SLC35F4: variants seen among roughly 807,000 people sequenced by gnomAD.
SLC35F4 encodes the protein chromosome 14 open reading frame 36.
In SLC35F4, 24 loss-of-function variants were observed where a neutral mutation model predicts 44.2. That is an observed-to-expected ratio of 0.54 (90% CI 0.39 to 0.76). The LOEUF (loss-of-function observed/expected upper bound fraction) is 0.76. SLC35F4 is among the 30% of genes least tolerant of loss of function. The pLI is 0.00. For missense variants in SLC35F4, 562 were observed against 586.1 expected (o/e 0.96, Z 0.42); for synonymous variants, 238 against 223.6 (o/e 1.06, Z -0.57).
chr14:57,693,077 A>G (rs532833078), intron 1 of SLC35F4, among the ~76,000 whole-genome samples: 1 of 152,332 alleles, frequency 6.6e-6, no homozygotes, highest in East Asian at 1.9e-4. Context: ...TTTCAACAGT[A>G]AGTATGAGAG....
chr14:57,599,302 T>C (rs1595000187), intron 1 of SLC35F4, among the ~76,000 whole-genome samples: 1 of 152,186 alleles, frequency 6.6e-6, no homozygotes, highest in African/African-American at 2.4e-5. Context: ...TCCCTAAGCC[T>C]CCCACCCTAG....
At chr14:57,580,501 G>C (rs17093357) in intron 4 of SLC35F4, 54,062 of 383,566 alleles carry the variant, frequency 0.14, 4,274 homozygotes, top group African/African-American at 0.17. Context: ...TTATATGAAT[G>C]AGATCTGGCT....
At chr14:57,612,400 A>AT (rs2071567186) in intron 1 of SLC35F4, among the ~76,000 whole-genome samples, 1 of 152,170 alleles carries the variant, frequency 6.6e-6, no homozygotes, top group Admixed American at 6.5e-5. Flanking sequence ...CCCACCCAGC[A>AT]GTTGGGCCAA....
chr14:57,943,512 T>C (rs1283926866), intron 1 of SLC35F4, among the ~76,000 whole-genome samples: 1 of 152,202 alleles, frequency 6.6e-6, no homozygotes, highest in Non-Finnish European at 1.5e-5. Flanking sequence ...TCTCATATAG[T>C]TAATAGTCTC....
rs542049954 is a variant in SLC35F4 at position 57,616,185 on chromosome 14, A to C, written c.104-22061T>G. ...ATCTCCAGAACTTTTTCAGCTTCTCAAACTTGAAACTTCATACCTATTCTC... is the reference window on the plus strand; with the variant it reads ...ATCTCCAGAACTTTTTCAGCTTCTCCAACTTGAAACTTCATACCTATTCTC... On this transcript the variant is annotated intron_variant, in intron 1 of 7. Transcript: ENST00000556826. Among the ~76,000 whole-genome samples, 9 of 152,304 alleles carry C rather than the reference A, an allele frequency of 5.9e-5. No individual in the cohort carries two copies. The South Asian group carries it at 1.2e-3, about 21-fold the overall frequency.
chr14:57,962,672 G>A (rs901202306), intron 1 of SLC35F4, among the ~76,000 whole-genome samples: 1 of 152,174 alleles, frequency 6.6e-6, no homozygotes, highest in African/African-American at 2.4e-5. Flanking sequence ...CTTGGGAATC[G>A]CTTGGCCGTG....
At chr14:57,726,979 C>G (rs891936403) in intron 1 of SLC35F4, among the ~76,000 whole-genome samples, 5 of 152,108 alleles carry the variant, frequency 3.3e-5, no homozygotes, top group Non-Finnish European at 7.4e-5. Context: ...TTCTCCCGTG[C>G]TGGATGCTTC....
At chr14:57,638,766 C>T (rs958330641) in intron 1 of SLC35F4, among the ~76,000 whole-genome samples, 1 of 152,036 alleles carries the variant, frequency 6.6e-6, no homozygotes, top group Non-Finnish European at 1.5e-5. Flanking sequence ...GTGTCCCAAA[C>T]CCCTTCCTCT....
chr14:57,646,122 A>C lies in SLC35F4; in HGVS notation c.104-51998T>G, dbSNP rs2073497408. ...GTCTCTGCCAGGTTTTGGTATCAGGATGATGCTGGCCTCATAAAATGAGTT... is the reference window on the plus strand; with the variant it reads ...GTCTCTGCCAGGTTTTGGTATCAGGCTGATGCTGGCCTCATAAAATGAGTT... On this transcript the variant is annotated intron_variant, in intron 1 of 7. Coordinates refer to ENST00000556826, the MANE Select transcript of SLC35F4 (RefSeq NM_001306087.2). 2.0e-5 allele frequency among the ~76,000 whole-genome samples: 3 copies of C among 152,166 alleles called. 1 individual carries two copies. The South Asian group carries it at 6.2e-4, about 32-fold the overall frequency.
intron 1 of SLC35F4, among the ~76,000 whole-genome samples, chr14:57,669,286 T>C (rs2074427370): frequency 6.6e-6 from 1 of 151,874 alleles, no homozygotes. Flanking sequence ...ACAGGGACAA[T>C]TTGACTTCCT....
intron 6 of SLC35F4, among the ~76,000 whole-genome samples, chr14:57,567,438 A>G (rs1361538918): frequency 1.3e-5 from 2 of 152,176 alleles, no homozygotes; most frequent in African/African-American, 2.4e-5. Flanking sequence ...GAACCAAAAA[A>G]AGTTCTAGAA....
intron 1 of SLC35F4, among the ~76,000 whole-genome samples, chr14:57,623,846 C>T (rs550229497): frequency 1.2e-4 from 18 of 152,224 alleles, no homozygotes; most frequent in Admixed American, 2.6e-4. Flanking sequence ...CGAGAGAAAG[C>T]AGGAAAGATC....
At chr14:57,743,891 T>C (rs2076688382) in intron 1 of SLC35F4, among the ~76,000 whole-genome samples, 1 of 152,186 alleles carries the variant, frequency 6.6e-6, no homozygotes, top group Non-Finnish European at 1.5e-5. Context: ...TCAAGTGGGC[T>C]TCATCCCTGG....
intron 1 of SLC35F4, among the ~76,000 whole-genome samples, chr14:57,745,721 A>G (rs1758408593): frequency 6.6e-6 from 1 of 152,234 alleles, no homozygotes; most frequent in Non-Finnish European, 1.5e-5. Flanking sequence ...TGACCCAGCC[A>G]TCCCATTACT....
intron 4 of SLC35F4, among the ~76,000 whole-genome samples, chr14:57,575,745 G>A (rs1212442750): frequency 1.3e-5 from 2 of 152,102 alleles, no homozygotes; most frequent in Non-Finnish European, 2.9e-5. Flanking sequence ...CTGCAGGCTG[G>A]GGCCCTCAGA....
chr14:57,608,790 G>A (rs750050824), intron 1 of SLC35F4, among the ~76,000 whole-genome samples: 3,381 of 28,466 alleles, frequency 0.12, 96 homozygotes, highest in Non-Finnish European at 0.26. Context: ...AGATGGCCGG[G>A]GGGGGGCGGC....
At chr14:57,578,740 A>G (rs2069004733) in intron 4 of SLC35F4, 1 of 152,150 alleles carries the variant, frequency 6.6e-6, no homozygotes, top group African/African-American at 2.4e-5. Context: ...AATGCTTACT[A>G]TTCTGCTATC....
intron 1 of SLC35F4, among the ~76,000 whole-genome samples, chr14:57,909,507 C>T (rs12589697): frequency 0.037 from 5,520 of 151,106 alleles, 284 homozygotes; most frequent in African/African-American, 0.11. Context: ...CACGGTGTTG[C>T]CTTTTCTTTT....
intron 1 of SLC35F4, among the ~76,000 whole-genome samples, chr14:57,891,166 C>CA (rs34628323): frequency 6.6e-6 from 1 of 151,932 alleles, no homozygotes; most frequent in African/African-American, 2.4e-5. Flanking sequence ...CTGTAAGTAT[C>CA]AAAAAAAGAT....
Sources: gnomAD v4.1 joint callset for allele counts (sites outside exome capture counted in the v4.1 genomes callset) on GRCh38, gnomAD v4.1.1 for gene constraint, MANE v1.5 for transcripts, NCBI Gene and HGNC (gene_info 2026-07-23, HGNC 2026-07-21) for gene names.